Variants in MTNAP1 observed in about 807,000 individuals in gnomAD.
The protein encoded by MTNAP1 is mitochondrial nucleoid-associated protein 1.
chr17:73,247,274 C>T, the MTNAP1 span: 1 of 1,614,200 alleles, frequency 6.2e-7, no homozygotes, highest in Non-Finnish European at 8.5e-7. Flanking sequence ...TGGAAGAGCA[C>T]AGTACCTCCA....
At chr17:73,238,921 C>G in the MTNAP1 span, among the ~76,000 whole-genome samples, 5 of 150,978 alleles carry the variant, frequency 3.3e-5, no homozygotes, top group East Asian at 2.0e-4. Flanking sequence ...CCATACTTTT[C>G]TGTGTGTGTG....
At chr17:73,243,060 T>G in the MTNAP1 span, 1 of 1,183,568 alleles carries the variant, frequency 8.4e-7, no homozygotes, top group Non-Finnish European at 1.2e-6. Context: ...TATGTGGACC[T>G]CCAAGGGATT....
At chr17:73,241,105 A>C in the MTNAP1 span, among the ~76,000 whole-genome samples, 1 of 152,246 alleles carries the variant, frequency 6.6e-6, no homozygotes, top group African/African-American at 2.4e-5. Flanking sequence ...ATTACCTGTC[A>C]TAAAACATGG....
chr17:73,245,355 G>T, the MTNAP1 span: 1 of 1,364,472 alleles, frequency 7.3e-7, no homozygotes. Flanking sequence ...AATGATACAG[G>T]AAGTAAACGT....
the MTNAP1 span, chr17:73,247,630 C>T: frequency 7.2e-6 from 2 of 279,698 alleles, no homozygotes; most frequent in African/African-American, 2.2e-5. Flanking sequence ...TTTAATGATC[C>T]ATGAGTCCTA....
the MTNAP1 span, among the ~76,000 whole-genome samples, chr17:73,240,247 A>C: frequency 6.6e-6 from 1 of 152,228 alleles, no homozygotes; most frequent in Non-Finnish European, 1.5e-5. Context: ...ATAGTCTGTA[A>C]CTAATAAATG....
At chr17:73,246,092 T>TTG in the MTNAP1 span, among the ~76,000 whole-genome samples, 1 of 152,176 alleles carries the variant, frequency 6.6e-6, no homozygotes, top group Non-Finnish European at 1.5e-5. Context: ...TTAGGCAACG[T>TTG]TGATGGATAA....
At chr17:73,238,737 A>G in the MTNAP1 span, among the ~76,000 whole-genome samples, 1 of 152,112 alleles carries the variant, frequency 6.6e-6, no homozygotes, top group African/African-American at 2.4e-5. Flanking sequence ...AATTTATCCT[A>G]TTTTGTGGAT....
the MTNAP1 span, chr17:73,244,650 T>C: frequency 6.7e-6 from 1 of 148,616 alleles, no homozygotes; most frequent in African/African-American, 2.5e-5. Context: ...GGTGTAAAAG[T>C]ACAAGATAAC....
chr17:73,233,446 A>C, the MTNAP1 span: 3 of 152,266 alleles, frequency 2.0e-5, no homozygotes, highest in African/African-American at 7.2e-5. Context: ...AGCCCTTCCT[A>C]ACGTTGTTAG....
the MTNAP1 span, among the ~76,000 whole-genome samples, chr17:73,242,506 G>T: frequency 9.0e-6 from 1 of 110,854 alleles, no homozygotes; most frequent in East Asian, 3.2e-4. Context: ...GTTCATTTTG[G>T]AGTTGGACAT....
the MTNAP1 span, chr17:73,247,187 A>G: frequency 6.5e-7 from 1 of 1,537,234 alleles, no homozygotes; most frequent in East Asian, 2.2e-5. Context: ...AGTAGTTGCG[A>G]CAGAAACCAT....
At chr17:73,236,629 TTTC>T in the MTNAP1 span, 16 of 1,614,092 alleles carry the variant, frequency 9.9e-6, no homozygotes, top group African/African-American at 8.0e-5. Flanking sequence ...AGCTACAACA[TTTC>T]TTCAAGAAAA....
the MTNAP1 span, chr17:73,232,701 C>T: frequency 1.6e-5 from 3 of 189,322 alleles, no homozygotes; most frequent in African/African-American, 2.3e-5. Flanking sequence ...GCCGCCTGGG[C>T]TTTCAGGTCT....
the MTNAP1 span, chr17:73,236,932 T>C: frequency 1.2e-6 from 2 of 1,612,114 alleles, no homozygotes; most frequent in South Asian, 1.1e-5. Context: ...GAAGCCTCAG[T>C]GTTGGAATGC....
At chr17:73,237,920 CAAAAG>C in the MTNAP1 span, among the ~76,000 whole-genome samples, 1 of 151,832 alleles carries the variant, frequency 6.6e-6, no homozygotes, top group Non-Finnish European at 1.5e-5. Flanking sequence ...TGGCCAAAAA[CAAAAG>C]AAAAAATGTA....
chr17:73,236,285 C>T, the MTNAP1 span: 2 of 1,614,132 alleles, frequency 1.2e-6, no homozygotes, highest in Non-Finnish European at 8.5e-7. Context: ...GTTACAGTTA[C>T]TGAGACTCCA....
chr17:73,246,764 G>GA, the MTNAP1 span, among the ~76,000 whole-genome samples: 1 of 152,122 alleles, frequency 6.6e-6, no homozygotes, highest in Non-Finnish European at 1.5e-5. Context: ...TCTCTGTAAG[G>GA]AAAAAAGTTG....
At chr17:73,247,319 G>A in the MTNAP1 span, 25 of 1,614,028 alleles carry the variant, frequency 1.5e-5, no homozygotes, top group East Asian at 3.6e-4. Context: ...GGGGATTGCC[G>A]CTCTAAAACA....
Sources: gnomAD v4.1 joint callset for allele counts (sites outside exome capture counted in the v4.1 genomes callset) on GRCh38, gnomAD v4.1.1 for gene constraint, MANE v1.5 for transcripts, NCBI Gene and HGNC (gene_info 2026-07-23, HGNC 2026-07-21) for gene names.